The following SP100 variants were observed in gnomAD, a reference collection of about 807,000 sequenced individuals.
SP100 encodes SP100 nuclear body protein, also known as nuclear autoantigen Sp-100.
SP100 carries 84 observed loss-of-function variants against 130.0 expected under a neutral mutation model. That is an observed-to-expected ratio of 0.65 (90% CI 0.54 to 0.77). SP100 has a LOEUF of 0.77. SP100 is among the 30% of genes least tolerant of loss of function. The probability of loss-of-function intolerance (pLI) is 0.00; values close to 1 mark genes in which losing one functional copy is unlikely to be tolerated. For synonymous variants in SP100, 331 were observed against 351.7 expected, an observed-to-expected ratio of 0.94 and a Z score of 0.66; for missense variants, 978 against 1,052.2, an observed-to-expected ratio of 0.93 and a Z score of 0.97.
chr2:230,438,751 TTATC>T (rs905813280), intron 2 of SP100, among the ~76,000 whole-genome samples: 6 of 151,986 alleles, frequency 3.9e-5, no homozygotes, highest in African/African-American at 1.2e-4. Flanking sequence ...TCACATTTCT[TTATC>T]TACTCATTGA....
intron 14 of SP100, among the ~76,000 whole-genome samples, 193 bp downstream of exon 14, chr2:230,469,289 G>A (rs1445184081): frequency 1.3e-5 from 2 of 152,200 alleles, no homozygotes; most frequent in East Asian, 3.8e-4. Flanking sequence ...AAAGGCACAA[G>A]TGCAACATAA....
At chr2:230,531,396 C>A (rs1691694370) in intron 24 of SP100, among the ~76,000 whole-genome samples, 1 of 148,174 alleles carries the variant, frequency 6.7e-6, no homozygotes, top group African/African-American at 2.5e-5. Flanking sequence ...GGGCGGGGAA[C>A]ATCACACACC....
At chr2:230,436,556 G>A (rs183274567) in intron 2 of SP100, among the ~76,000 whole-genome samples, 117 of 152,134 alleles carry the variant, frequency 7.7e-4, no homozygotes, top group African/African-American at 2.4e-3. Context: ...GTTCCCCTTC[G>A]CCTTCCACCA....
intron 15 of SP100, 64 bp from the exon 16 acceptor site, chr2:230,473,260 G>C: frequency 1.8e-6 from 2 of 1,100,492 alleles, no homozygotes; most frequent in East Asian, 2.4e-5. Context: ...ACTAATGTTG[G>C]GGGGAAGGAG....
At chr2:230,528,605 C>CA (rs1455571428) in intron 24 of SP100, among the ~76,000 whole-genome samples, 1 of 152,038 alleles carries the variant, frequency 6.6e-6, no homozygotes, top group African/African-American at 2.4e-5. Flanking sequence ...GATAGAGACA[C>CA]AAAAAACCCA....
At chr2:230,541,791 T>A (rs1692190265) in intron 27 of SP100, 101 bp from the exon 28 acceptor site, 5 of 1,315,626 alleles carry the variant, frequency 3.8e-6, no homozygotes, top group Non-Finnish European at 3.1e-6. Context: ...GGGTTAGGAT[T>A]TTGACCTATG....
intron 2 of SP100, among the ~76,000 whole-genome samples, chr2:230,439,310 AT>A (rs2063394713): frequency 6.6e-6 from 1 of 151,730 alleles, no homozygotes; most frequent in Non-Finnish European, 1.5e-5. Context: ...GAATTTTAGG[AT>A]TGTTTTTTCT....
intron 17 of SP100, among the ~76,000 whole-genome samples, chr2:230,479,372 A>G (rs774621437): frequency 1.3e-5 from 2 of 152,216 alleles, no homozygotes; most frequent in Admixed American, 1.3e-4. Flanking sequence ...TCATTAAAAT[A>G]CTTTCTGCAT....
intron 2 of SP100, among the ~76,000 whole-genome samples, chr2:230,420,812 A>G (rs2062746441): frequency 6.6e-6 from 1 of 152,192 alleles, no homozygotes; most frequent in African/African-American, 2.4e-5. Flanking sequence ...CCATCTTCCC[A>G]GCCCATGTCC....
At chr2:230,498,067 G>A (rs1211773179) in intron 18 of SP100, among the ~76,000 whole-genome samples, 15 of 152,174 alleles carry the variant, frequency 9.9e-5, no homozygotes, top group East Asian at 9.6e-4. Context: ...TGGTCATAGG[G>A]GTAGTAAAAG....
chr2:230,493,480 G>C (rs6740283), intron 17 of SP100, among the ~76,000 whole-genome samples: 2 of 152,074 alleles, frequency 1.3e-5, no homozygotes, highest in Non-Finnish European at 2.9e-5. Context: ...GCCTCCCAAA[G>C]TGCTAAGATT....
At chr2:230,506,763 G>T (rs557859487) in intron 22 of SP100, 118 of 229,918 alleles carry the variant, frequency 5.1e-4, no homozygotes, top group African/African-American at 2.7e-3. Context: ...TTAAATTTTC[G>T]GGGGAGGTAA....
intron 24 of SP100, among the ~76,000 whole-genome samples, chr2:230,530,740 C>G (rs1691662554): frequency 6.6e-6 from 1 of 152,158 alleles, no homozygotes; most frequent in Admixed American, 6.5e-5. Flanking sequence ...AAAAAACAAC[C>G]CCATCAAAAA....
chr2:230,531,424 T>A (rs937422490), intron 24 of SP100, among the ~76,000 whole-genome samples: 4 of 131,118 alleles, frequency 3.1e-5, no homozygotes, highest in African/African-American at 1.2e-4. Context: ...GTTGGGGGGT[T>A]GAGGGGCTGG....
intron 24 of SP100, among the ~76,000 whole-genome samples, chr2:230,517,764 CA>C (rs34404923): frequency 2.6e-4 from 38 of 144,434 alleles, no homozygotes; most frequent in East Asian, 8.2e-4. Context: ...GACTCCATCT[CA>C]AAAAAAAAAA....
At chr2:230,512,796 A>C (rs1309162625) in intron 24 of SP100, among the ~76,000 whole-genome samples, 1 of 152,142 alleles carries the variant, frequency 6.6e-6, no homozygotes, top group Non-Finnish European at 1.5e-5. Flanking sequence ...TATATAACTC[A>C]CCATCAAGTA....
intron 11 of SP100, among the ~76,000 whole-genome samples, chr2:230,465,697 C>T (rs1300486259): frequency 6.6e-6 from 1 of 152,124 alleles, no homozygotes; most frequent in Non-Finnish European, 1.5e-5. Flanking sequence ...CTGTGACACA[C>T]ATTTACCCAT....
intron 16 of SP100, 65 bp from the exon 17 acceptor site, chr2:230,474,329 G>A (rs2065425849): frequency 2.4e-6 from 2 of 840,214 alleles, no homozygotes; most frequent in Admixed American, 2.1e-5. Context: ...AGTGTGAATT[G>A]TCATAAGATT....
chr2:230,478,046 T>G (rs2065654720), intron 17 of SP100, among the ~76,000 whole-genome samples: 1 of 152,190 alleles, frequency 6.6e-6, no homozygotes, highest in African/African-American at 2.4e-5. Context: ...CTAAAAATTT[T>G]TTTGTACAAT....
Sources: gnomAD v4.1 joint callset for allele counts (sites outside exome capture counted in the v4.1 genomes callset) on GRCh38, gnomAD v4.1.1 for gene constraint, MANE v1.5 for transcripts, NCBI Gene and HGNC (gene_info 2026-07-23, HGNC 2026-07-21) for gene names.